SDC3: variants seen among roughly 807,000 people sequenced by gnomAD.
SDC3 encodes syndecan 3, also known as syndecan-3.
In SDC3, 13 loss-of-function variants were observed where a neutral mutation model predicts 24.4. That is an observed-to-expected ratio of 0.53 (90% CI 0.35 to 0.85). SDC3 has a LOEUF of 0.85. Ranked by LOEUF, SDC3 falls within the 40% of genes least tolerant of loss-of-function variation. SDC3 has a pLI of 0.01. For missense variants in SDC3, 571 were observed against 584.5 expected (o/e 0.98, Z 0.24); for synonymous variants, 295 against 260.9 (o/e 1.13, Z -1.26).
rs1309679682 is a variant in SDC3, at chr1:30,869,719, CAG to C, written c.*3490_*3491del. 1.3e-5 allele frequency: 5 copies of C among 398,544 alleles called. No individual in the cohort carries two copies. The East Asian group carries it at 1.8e-4, about 14-fold the overall frequency. 24.7% of individuals were successfully genotyped at this position (398,544 alleles called of 1,614,324 possible). A position where few individuals can be genotyped will look rare whatever the true frequency, so the allele number is the denominator to read the frequency against. ...ACAGGTATGGTTAATAAACAGGTTA[CAG>C]GGGAGAGAAGGGGCAGGGAAGGCCT... On this transcript the variant is annotated 3_prime_UTR_variant, in exon 5 of 5. Transcript: ENST00000339394.
intron 1 of SDC3, among the ~76,000 whole-genome samples, chr1:30,898,308 G>A (rs1314514055): frequency 1.3e-5 from 2 of 152,074 alleles, no homozygotes; most frequent in Non-Finnish European, 2.9e-5. Flanking sequence ...CATCTGTCAA[G>A]GCCTGGTACA....
intron 1 of SDC3, among the ~76,000 whole-genome samples, chr1:30,889,120 C>T (rs923927065): frequency 3.9e-5 from 6 of 152,350 alleles, no homozygotes; most frequent in Non-Finnish European, 7.3e-5. Context: ...GACAGAACTT[C>T]ACCAGCTACG....
intron 4 of SDC3, among the ~76,000 whole-genome samples, chr1:30,874,081 C>A (rs754198468): frequency 6.6e-6 from 1 of 152,142 alleles, no homozygotes; most frequent in African/African-American, 2.4e-5. Context: ...TAGAGATGGA[C>A]ATGAAGTCAG....
At chr1:30,905,652 G>C (rs1638504765) in intron 1 of SDC3, among the ~76,000 whole-genome samples, 1 of 151,988 alleles carries the variant, frequency 6.6e-6, no homozygotes, top group Non-Finnish European at 1.5e-5. Flanking sequence ...ATTCAAACAA[G>C]ACTAACACCT....
chr1:30,884,281 C>G (rs534924985), intron 1 of SDC3, among the ~76,000 whole-genome samples: 44 of 151,876 alleles, frequency 2.9e-4, no homozygotes, highest in African/African-American at 9.2e-4. Context: ...ACAGACCCCC[C>G]CCAAGAAAAA....
rs1177198649 is a variant in SDC3 at position 30,889,711 on chromosome 1, C to T, written c.139-10971G>A. Among the ~76,000 whole-genome samples, 7 of 152,084 alleles carry T rather than the reference C, an allele frequency of 4.6e-5. No individual in the cohort carries two copies. The South Asian group carries it at 8.3e-4, about 18-fold the overall frequency. On this transcript the variant is annotated intron_variant, in intron 1 of 4. Transcript: ENST00000339394. ...AAAGTCAGATAATCACAAGCGTTGG[C>T]GAGGACGTGGGGAAATCGGAACCCT...
chr1:30,877,208 G>T, intron 2 of SDC3, 43 bp from the exon 3 acceptor site: 1 of 1,612,312 alleles, frequency 6.2e-7, no homozygotes, highest in Non-Finnish European at 8.5e-7. Flanking sequence ...GAGCTGGGTG[G>T]TTGTGAGGGG....
chr1:30,874,270 C>T, intron 4 of SDC3, 27 bp downstream of exon 4: 1 of 1,565,518 alleles, frequency 6.4e-7, no homozygotes, highest in Non-Finnish European at 8.7e-7. Flanking sequence ...CTCCCAGGCT[C>T]CCCTTGGCCC....
In SDC3 at chr1:30,893,668, TC is replaced by T. The variant is rs568169356; in HGVS notation, c.138+14780del. 1.4e-4 allele frequency among the ~76,000 whole-genome samples: 21 copies of T among 150,896 alleles called. No homozygotes were observed. In the East Asian group the frequency reaches 2.6e-3, roughly 18 times the overall value. ...AAATGCTCTGATCAAAGAAACAGAA[TC>T]CCCCCCAGAAATCAGAATCCCCACG... On this transcript the variant is annotated intron_variant, in intron 1 of 4. Transcript: ENST00000339394.
rs946390895 is a variant in SDC3 at position 30,878,615 on chromosome 1, G to T, written c.256+8C>A. 3.7e-6 allele frequency: 6 copies of T among 1,606,082 alleles called. No individual in the cohort carries two copies. The highest frequency in any genetic ancestry group is 5.1e-6 in the Non-Finnish European group (6 of 1,172,570). On this transcript the variant is annotated splice_region_variant and intron_variant, in intron 2 of 4. Coordinates refer to ENST00000339394, the MANE Select transcript of SDC3 (RefSeq NM_014654.4). ...CCCCCAGGCAGAGGTAGGGAGGGGG[G>T]TACTTACAGCCCGAGCCCGACCCCG...
In SDC3 at chr1:30,874,384, C is replaced by T. The variant is rs1639594424; in HGVS notation, c.1075G>A (p.Gly359Ser). ...TLPKGARPGPGLLDNAIDSGS... is the reference protein window; with the variant it reads ...TLPKGARPGPSLLDNAIDSGS... ...GAGTCGATGGCATTGTCCAGGAGGC[C>T]AGGGCCCGGGCGGGCACCCTTGGGC... is the stretch of plus-strand genomic sequence containing the variant. Residue 359 changes from glycine to serine, a missense_variant, in exon 4 of 5, where the codon GGC becomes AGC. Coordinates refer to ENST00000339394, the MANE Select transcript of SDC3 (RefSeq NM_014654.4). The T allele has an allele frequency of 6.2e-7, 1 of 1,614,072 alleles. No homozygotes were observed. Among genetic ancestry groups the T allele is most frequent in the Non-Finnish European group, 8.5e-7 (1 of 1,179,992 alleles).
rs1362329305 is a variant in SDC3, at chr1:30,871,463, C to T, written c.*1748G>A. ...CTTGCTAGGTAACAAAGGAAGTAAC[C>T]CCTCCCCCACTATCACCTGGTCTCA... On this transcript the variant is annotated 3_prime_UTR_variant, in exon 5 of 5. Coordinates refer to ENST00000339394, the MANE Select transcript of SDC3 (RefSeq NM_014654.4). The T allele has an allele frequency of 6.6e-6, 1 of 152,266 alleles. No individual in the cohort carries two copies. The highest frequency in any genetic ancestry group is 2.4e-5 in the African/African-American group (1 of 41,450). 9.4% of individuals were successfully genotyped at this position (152,266 alleles called of 1,614,324 possible).
intron 1 of SDC3, chr1:30,879,110 G>C (rs528560579): frequency 5.1e-6 from 1 of 197,462 alleles, no homozygotes; most frequent in Admixed American, 5.4e-5. Flanking sequence ...CCTGGGGCAT[G>C]TGTGAGCAGG....
Position 30,872,753 on chromosome 1 carries a change from T to C in SDC3, c.*458A>G, listed in dbSNP as rs1237254813. 5.8e-6 allele frequency: 1 copy of C among 171,142 alleles called. No homozygotes were observed. The highest frequency in any genetic ancestry group is 1.3e-5 in the Non-Finnish European group (1 of 79,184). 10.6% of individuals were successfully genotyped at this position (171,142 alleles called of 1,614,324 possible). ...CTGGGATACGAGCAAGAGGTTGCAG[T>C]GTCTAGATGATTTCAAGGGCTGTGT... On this transcript the variant is annotated 3_prime_UTR_variant, in exon 5 of 5. Transcript: ENST00000339394.
At chr1:30,878,865 G>A (rs1016056252) in intron 1 of SDC3, 125 bp from the exon 2 acceptor site, 60 of 740,212 alleles carry the variant, frequency 8.1e-5, no homozygotes, top group Non-Finnish European at 1.3e-4. Context: ...GATCTTGTGT[G>A]TACCCTGAAG....
At chr1:30,878,912 G>C in intron 1 of SDC3, 172 bp from the exon 2 acceptor site, 1 of 585,152 alleles carries the variant, frequency 1.7e-6, no homozygotes, top group Non-Finnish European at 3.1e-6. Flanking sequence ...GGGCAGGGGT[G>C]GGGTGTGGCA....
chr1:30,901,260 G>A (rs1235255716), intron 1 of SDC3, among the ~76,000 whole-genome samples: 4 of 152,206 alleles, frequency 2.6e-5, no homozygotes, highest in Non-Finnish European at 4.4e-5. Context: ...TGGGCCATCA[G>A]CTGTGGGATG....
At position 30,876,768 on chromosome 1, in the gene SDC3, T is replaced by C. The variant is rs1295975240; in HGVS notation, c.654A>G (p.Thr218=). The stretch of plus-strand genomic sequence containing the variant: ...GGGTAGTGGCCCGTGCCGTAGCCAC[T>C]GTGGTCAGTGGGAGAGGCAGAAGCC... ...VRRLLPLPLT[T]VATARATTPE... Residue 218 remains threonine (T), a synonymous_variant, in exon 3 of 5, where the codon ACA becomes ACG. Transcript: ENST00000339394. 3.8e-6 allele frequency: 6 copies of C among 1,589,480 alleles called. No homozygotes were observed. The African/African-American group carries it at 6.8e-5, about 18-fold the overall frequency.
intron 1 of SDC3, among the ~76,000 whole-genome samples, chr1:30,906,484 C>T (rs913404814): frequency 1.3e-5 from 2 of 152,190 alleles, no homozygotes; most frequent in Admixed American, 6.5e-5. Flanking sequence ...GTCCTTCCAC[C>T]ACCTCGTGGA....
Sources: gnomAD v4.1 joint callset for allele counts (sites outside exome capture counted in the v4.1 genomes callset) on GRCh38, gnomAD v4.1.1 for gene constraint, MANE v1.5 for transcripts, NCBI Gene and HGNC (gene_info 2026-07-23, HGNC 2026-07-21) for gene names.